The following PCSK9 variants were observed in gnomAD, a reference collection of about 807,000 sequenced individuals.
PCSK9 encodes the protein convertase subtilisin/kexin type 9 preproprotein.
Under a neutral mutation model 62.1 loss-of-function variants are expected in PCSK9, and 57 were observed. The ratio of observed to expected loss-of-function variants is 0.92; its 90% CI spans 0.74 to 1.14. PCSK9 has a LOEUF of 1.14. Ranked by LOEUF, PCSK9 falls within the 50% of genes most tolerant of loss-of-function variation. PCSK9 has a pLI of 0.00. For missense variants in PCSK9, 870 were observed against 959.8 expected (o/e 0.91, Z 1.24); for synonymous variants, 387 against 409.4 (o/e 0.95, Z 0.66).
chr1:55,056,685 C>A (rs1644717699), intron 6 of PCSK9, among the ~76,000 whole-genome samples: 1 of 152,180 alleles, frequency 6.6e-6, no homozygotes, highest in Admixed American at 6.5e-5. Context: ...ACAGAGTGTG[C>A]CGCATGCCCG....
rs28362276 is a variant in PCSK9 at position 55,061,087 on chromosome 1, G to A, written c.1682-288G>A. ...GAGTTTGAGCATCTCAGGCCATAGAGCCCCTGCCTCACTGTCTCCATCTCT... is the reference window on the plus strand; with the variant it reads ...GAGTTTGAGCATCTCAGGCCATAGAACCCCTGCCTCACTGTCTCCATCTCT... On this transcript the variant is annotated intron_variant, in intron 10 of 11. Transcript: ENST00000302118. Among the ~76,000 whole-genome samples, 283 of 152,258 alleles carry A rather than the reference G, an allele frequency of 1.9e-3. 1 individual carries two copies. The highest frequency in any genetic ancestry group is 6.5e-3 in the African/African-American group (271 of 41,550).
At chr1:55,058,764 A>G in intron 9 of PCSK9, 117 bp downstream of exon 9, 1 of 1,527,380 alleles carries the variant, frequency 6.5e-7, no homozygotes. Flanking sequence ...TCCATCCTCC[A>G]GACTCCAGCT....
chr1:55,054,193 G>T (rs184518483), intron 5 of PCSK9, among the ~76,000 whole-genome samples: 1 of 152,158 alleles, frequency 6.6e-6, no homozygotes, highest in Non-Finnish European at 1.5e-5. Flanking sequence ...AGACCAGCCT[G>T]TTCAACATGG....
Position 55,039,704 on chromosome 1 carries a change from C to A in PCSK9, c.-134C>A. On this transcript the variant is annotated 5_prime_UTR_variant, in exon 1 of 12. Transcript: ENST00000302118. ...GCTCCCAGCCAGGATTCCGCGCGCCCCTTCACGCGCCCTGCTCCTGAACTT... is the reference window on the plus strand; with the variant it reads ...GCTCCCAGCCAGGATTCCGCGCGCCACTTCACGCGCCCTGCTCCTGAACTT... 9.1e-7 allele frequency: 1 copy of A among 1,093,158 alleles called. No homozygotes were observed. The highest frequency in any genetic ancestry group is 1.3e-6 in the Non-Finnish European group (1 of 761,688). The allele number at this position is 1,093,158 out of a possible 1,614,324, so 67.7% of individuals were successfully genotyped here. A position where few individuals can be genotyped will look rare whatever the true frequency, so the allele number is the denominator to read the frequency against.
chr1:55,049,738 G>C (rs1242502042), intron 3 of PCSK9, among the ~76,000 whole-genome samples: 1 of 152,216 alleles, frequency 6.6e-6, no homozygotes, highest in Non-Finnish European at 1.5e-5. Context: ...TCCTGACCCT[G>C]TCCCAGCAGG....
chr1:55,057,299 T>C, intron 6 of PCSK9, 32 bp from the exon 7 acceptor site: 1 of 1,605,560 alleles, frequency 6.2e-7, no homozygotes, highest in Non-Finnish European at 8.5e-7. Flanking sequence ...CTTGGGCTCC[T>C]TTCTCTGCCA....
At chr1:55,063,185 G>A (rs1644775475) in intron 11 of PCSK9, among the ~76,000 whole-genome samples, 184 bp from the exon 12 acceptor site, 1 of 152,106 alleles carries the variant, frequency 6.6e-6, no homozygotes, top group South Asian at 2.1e-4. Flanking sequence ...CAGCCATGGT[G>A]CAGAACCGCC....
Position 55,046,722 on chromosome 1 carries a change from G to C in PCSK9, c.523+76G>C, listed in dbSNP as rs1023177508. 3 of 1,571,178 alleles carry C rather than the reference G, an allele frequency of 1.9e-6. No individual in the cohort carries two copies. The Admixed American group carries it at 5.1e-5, about 26-fold the overall frequency. On this transcript the variant is annotated intron_variant, in intron 3 of 11. Transcript: ENST00000302118. ...TGCTCTGCCCTGGCCTGGCCTCCCT[G>C]CTGGTGGTTTCCACTTCTCGGGGGG...
intron 6 of PCSK9, among the ~76,000 whole-genome samples, chr1:55,056,573 C>T (rs929473111): frequency 6.6e-6 from 1 of 152,230 alleles, no homozygotes; most frequent in Non-Finnish European, 1.5e-5. Flanking sequence ...TTGGGCCTCC[C>T]TGTTGTCCAG....
chr1:55,054,822 G>A (rs1040810094), intron 5 of PCSK9, among the ~76,000 whole-genome samples: 3 of 152,126 alleles, frequency 2.0e-5, no homozygotes, highest in Non-Finnish European at 2.9e-5. Flanking sequence ...TTGCTAACAC[G>A]GTGAAGCCCC....
chr1:55,051,354 C>A, intron 3 of PCSK9: 1 of 366,506 alleles, frequency 2.7e-6, no homozygotes, highest in Non-Finnish European at 5.3e-6. Flanking sequence ...GGTTCCAGGG[C>A]CAGGCCATTT....
At chr1:55,052,885 C>G in intron 5 of PCSK9, 94 bp downstream of exon 5, 1 of 1,580,352 alleles carries the variant, frequency 6.3e-7, no homozygotes, top group Non-Finnish European at 8.6e-7. Flanking sequence ...TGTCTCCTAA[C>G]CAAGAATGCT....
chr1:55,061,253 A>G (rs1265943761), intron 10 of PCSK9, 122 bp from the exon 11 acceptor site: 7 of 1,118,926 alleles, frequency 6.3e-6, no homozygotes, highest in Non-Finnish European at 8.8e-6. Context: ...TTTTTCTTTG[A>G]GTTGTTTCTA....
intron 2 of PCSK9, among the ~76,000 whole-genome samples, chr1:55,044,993 C>T (rs750830691): frequency 9.2e-5 from 14 of 152,210 alleles, no homozygotes; most frequent in South Asian, 2.1e-4. Context: ...GCTCAACACA[C>T]GTTTACCAAG....
intron 11 of PCSK9, 74 bp downstream of exon 11, chr1:55,061,630 T>G (rs1644760403): frequency 6.5e-7 from 1 of 1,529,544 alleles, no homozygotes; most frequent in African/African-American, 1.4e-5. Flanking sequence ...TGTCAGTTTG[T>G]GCCACCACCA....
In PCSK9 at chr1:55,063,420, C is replaced by G. The variant is rs758249397; in HGVS notation, c.1915C>G (p.Pro639Ala). 56 of 1,613,822 alleles carry G rather than the reference C, an allele frequency of 3.5e-5. No individual in the cohort carries two copies. Among genetic ancestry groups the G allele is most frequent in the Non-Finnish European group, 4.7e-5 (55 of 1,179,964 alleles). Residue 639 changes from proline (P) to alanine (A), a missense_variant, in exon 12 of 12, where the codon CCT becomes GCT. Physicochemically the swap from Pro to Ala is conservative, Grantham distance 27. Transcript: ENST00000302118. ...GWTLTGCSALPGTSHVLGAYA... is the reference protein window; with the variant it reads ...GWTLTGCSALAGTSHVLGAYA... ...GACCCTGACTGGCTGCAGTGCCCTC[C>G]CTGGGACCTCCCACGTCCTGGGGGC... is the stretch of plus-strand genomic sequence containing the variant.
chr1:55,042,996 A>G (rs139479766), intron 1 of PCSK9, among the ~76,000 whole-genome samples: 23 of 152,280 alleles, frequency 1.5e-4, no homozygotes, highest in African/African-American at 5.3e-4. Flanking sequence ...TTCTCTTGCC[A>G]TGTGATTGAT....
chr1:55,057,899 C>A, intron 7 of PCSK9, 137 bp from the exon 8 acceptor site: 1 of 1,282,586 alleles, frequency 7.8e-7, no homozygotes, highest in Non-Finnish European at 1.1e-6. Flanking sequence ...AGGCGGCTTA[C>A]CTTCGAGAAG....
chr1:55,055,393 A>G (rs1322534140), intron 5 of PCSK9, among the ~76,000 whole-genome samples: 3 of 151,792 alleles, frequency 2.0e-5, no homozygotes, highest in Admixed American at 2.0e-4. Context: ...CCTCTCTTTC[A>G]TGGAAAGGGA....
Sources: gnomAD v4.1 joint callset for allele counts (sites outside exome capture counted in the v4.1 genomes callset) on GRCh38, gnomAD v4.1.1 for gene constraint, MANE v1.5 for transcripts, NCBI Gene and HGNC (gene_info 2026-07-23, HGNC 2026-07-21) for gene names.